Variants in MAPK8 observed in about 807,000 individuals in gnomAD.
MAPK8 encodes the protein JUN N-terminal kinase.
Under a neutral mutation model 52.9 loss-of-function variants are expected in MAPK8, and 13 were observed. That is an observed-to-expected ratio of 0.25 (90% CI 0.16 to 0.39). The LOEUF (loss-of-function observed/expected upper bound fraction) is 0.39. Ranked by LOEUF, MAPK8 falls within the 10% of genes least tolerant of loss-of-function variation. The probability of loss-of-function intolerance (pLI) is 1.00; values close to 1 mark genes in which losing one functional copy is unlikely to be tolerated. For missense variants in MAPK8, 300 were observed against 519.2 expected (o/e 0.58, Z 4.10); for synonymous variants, 191 against 169.8 (o/e 1.12, Z -0.97).
intron 1 of MAPK8, among the ~76,000 whole-genome samples, chr10:48,336,483 CTG>C (rs1844699526): frequency 2.0e-5 from 3 of 152,208 alleles, no homozygotes; most frequent in African/African-American, 7.2e-5. Flanking sequence ...TTTGGAATGT[CTG>C]TGTTGTTAAA....
chr10:48,360,004 A>G (rs1490489297), intron 1 of MAPK8, among the ~76,000 whole-genome samples: 1 of 152,152 alleles, frequency 6.6e-6, no homozygotes, highest in African/African-American at 2.4e-5. Context: ...TAATTGAGAA[A>G]GGACTGTTAC....
chr10:48,384,880 C>T (rs1303483979), intron 1 of MAPK8, among the ~76,000 whole-genome samples: 1 of 152,104 alleles, frequency 6.6e-6, no homozygotes, highest in African/African-American at 2.4e-5. Context: ...ATAGTTAATA[C>T]AGATAATGTA....
intron 1 of MAPK8, among the ~76,000 whole-genome samples, chr10:48,375,373 T>G (rs1244107692): frequency 1.3e-5 from 2 of 152,136 alleles, no homozygotes; most frequent in African/African-American, 4.8e-5. Flanking sequence ...CAACATAGTA[T>G]TGGAAGTTCT....
intron 1 of MAPK8, among the ~76,000 whole-genome samples, chr10:48,338,262 CAGGT>C (rs905199762): frequency 2.0e-5 from 3 of 152,098 alleles, no homozygotes; most frequent in Non-Finnish European, 4.4e-5. Context: ...TCACCATGAT[CAGGT>C]AGGTTTTTTC....
intron 1 of MAPK8, among the ~76,000 whole-genome samples, chr10:48,320,613 A>G (rs1013458484): frequency 9.2e-5 from 14 of 152,038 alleles, no homozygotes; most frequent in Admixed American, 3.3e-4. Context: ...ACTTCATTTG[A>G]TGGGCATTTG....
intron 11 of MAPK8, among the ~76,000 whole-genome samples, chr10:48,432,797 A>G (rs1449564199): frequency 6.6e-6 from 1 of 152,246 alleles, no homozygotes; most frequent in East Asian, 1.9e-4. Context: ...TGATCACAAA[A>G]TAAGTCAGTG....
intron 8 of MAPK8, 26 bp from the exon 9 acceptor site, chr10:48,426,354 G>A (rs370340543): frequency 6.4e-7 from 1 of 1,570,344 alleles, no homozygotes; most frequent in Non-Finnish European, 8.6e-7. Context: ...ACAAATATAT[G>A]TACATTAACA....
chr10:48,320,211 CTTT>C (rs71026206), intron 1 of MAPK8, among the ~76,000 whole-genome samples: 9 of 35,314 alleles, frequency 2.5e-4, no homozygotes, highest in East Asian at 1.1e-3. Flanking sequence ...ACTGCTCGGC[CTTT>C]TTTTTTTTTT....
chr10:48,355,890 A>G (rs11101301), intron 1 of MAPK8, among the ~76,000 whole-genome samples: 9,615 of 152,266 alleles, frequency 0.063, 1,044 homozygotes, highest in African/African-American at 0.22. Context: ...AGACAGATTT[A>G]CCGTGAATAA....
intron 1 of MAPK8, among the ~76,000 whole-genome samples, chr10:48,314,186 T>G (rs1209562922): frequency 6.6e-6 from 1 of 152,176 alleles, no homozygotes; most frequent in Non-Finnish European, 1.5e-5. Context: ...TTTGGTTCCC[T>G]GGTGAGGGTC....
At chr10:48,399,629 C>T (rs2042058102) in intron 1 of MAPK8, among the ~76,000 whole-genome samples, 1 of 152,186 alleles carries the variant, frequency 6.6e-6, no homozygotes, top group Non-Finnish European at 1.5e-5. Context: ...CATGCATGTT[C>T]CTGGATCTAC....
At chr10:48,334,169 A>C (rs1424286090) in intron 1 of MAPK8, among the ~76,000 whole-genome samples, 1 of 152,196 alleles carries the variant, frequency 6.6e-6, no homozygotes, top group Non-Finnish European at 1.5e-5. Flanking sequence ...AGGAGAGTGG[A>C]GAGTAAACCC....
At position 48,438,131 on chromosome 10, in the gene MAPK8, G is replaced by A. The variant is rs1165426856; in HGVS notation, c.*3102G>A. On this transcript the variant is annotated 3_prime_UTR_variant, in exon 12 of 12. Transcript: ENST00000374189. ...TCAGAAATACTGTTGTAGTTTGTGAGTGTTGTTCATTAGTTACACATTAGC... is the reference window on the plus strand; with the variant it reads ...TCAGAAATACTGTTGTAGTTTGTGAATGTTGTTCATTAGTTACACATTAGC... 1 of 152,226 alleles carries A rather than the reference G, an allele frequency of 6.6e-6. No homozygotes were observed. Among genetic ancestry groups the A allele is most frequent in the Non-Finnish European group, 1.5e-5 (1 of 68,034 alleles). The allele number at this position is 152,226 out of a possible 1,614,324, so 9.4% of individuals were successfully genotyped here.
intron 1 of MAPK8, among the ~76,000 whole-genome samples, chr10:48,353,325 A>G (rs985132915): frequency 3.3e-5 from 5 of 152,340 alleles, no homozygotes; most frequent in East Asian, 3.9e-4. Context: ...GAAACACTCT[A>G]TACTCAATTT....
chr10:48,310,290 A>G (rs1841845796), intron 1 of MAPK8, among the ~76,000 whole-genome samples: 1 of 152,204 alleles, frequency 6.6e-6, no homozygotes, highest in South Asian at 2.1e-4. Flanking sequence ...TTCTTGAGAA[A>G]ACATACTAGG....
chr10:48,430,227 G>A (rs2133305484), intron 10 of MAPK8: 1 of 152,416 alleles, frequency 6.6e-6, no homozygotes, highest in East Asian at 1.9e-4. Context: ...CCGAGTAGCT[G>A]GGACTGCAGG....
At position 48,312,290 on chromosome 10, in the gene MAPK8, T is replaced by C. The variant is rs560426232; in HGVS notation, c.-50+5469T>C. On this transcript the variant is annotated intron_variant, in intron 1 of 11. Coordinates refer to ENST00000374189, the MANE Select transcript of MAPK8 (RefSeq NM_001323329.2). ...TATCAAAATAAGTATATGAGAAATA[T>C]GAAAAGCTGACAGTAGAAAAGATGC... 4.6e-5 allele frequency among the ~76,000 whole-genome samples: 7 copies of C among 152,350 alleles called. No homozygotes were observed. In the South Asian group the frequency reaches 1.2e-3, roughly 27 times the overall value.
intron 1 of MAPK8, among the ~76,000 whole-genome samples, chr10:48,331,356 A>T (rs530292872): frequency 6.6e-6 from 1 of 152,152 alleles, no homozygotes; most frequent in African/African-American, 2.4e-5. Context: ...TTCCATTTTG[A>T]CCTTCTGCTT....
intron 1 of MAPK8, among the ~76,000 whole-genome samples, chr10:48,373,789 A>C (rs2040481314): frequency 6.6e-6 from 1 of 151,972 alleles, no homozygotes; most frequent in Non-Finnish European, 1.5e-5. Context: ...ACTCCCACAC[A>C]ATAATAGTGA....
Sources: gnomAD v4.1 joint callset for allele counts (sites outside exome capture counted in the v4.1 genomes callset) on GRCh38, gnomAD v4.1.1 for gene constraint, MANE v1.5 for transcripts, NCBI Gene and HGNC (gene_info 2026-07-23, HGNC 2026-07-21) for gene names.